The following SMYD3 variants were observed in gnomAD, a reference collection of about 807,000 sequenced individuals.
The protein encoded by SMYD3 is histone-lysine N-methyltransferase SMYD3.
A neutral mutation model predicts 57.7 loss-of-function variants in SMYD3; 36 were observed. The observed-to-expected ratio is 0.62, with a 90% CI of 0.48 to 0.82. SMYD3 has a LOEUF of 0.82. SMYD3 is among the 40% of genes least tolerant of loss of function. SMYD3 has a pLI of 0.00. For synonymous variants in SMYD3, 211 were observed against 195.0 expected (o/e 1.08, Z -0.68); for missense variants, 515 against 538.8 (o/e 0.96, Z 0.44).
At chr1:245,939,162 TAAAAA>T (rs1312690587) in intron 5 of SMYD3, among the ~76,000 whole-genome samples, 1 of 140,952 alleles carries the variant, frequency 7.1e-6, no homozygotes, top group African/African-American at 2.8e-5. Flanking sequence ...AATTAAAAAA[TAAAAA>T]AATTTAAAAA....
intron 5 of SMYD3, among the ~76,000 whole-genome samples, chr1:246,014,520 A>T (rs780267346): frequency 1.3e-5 from 2 of 152,148 alleles, no homozygotes; most frequent in Admixed American, 6.5e-5. Context: ...TAGCGTGGTT[A>T]ATCACAGCCG....
chr1:246,002,428 C>A (rs1249212056), intron 5 of SMYD3, among the ~76,000 whole-genome samples: 492 of 38,588 alleles, frequency 0.013, 27 homozygotes, highest in African/African-American at 0.023. Context: ...TCGTGATCCA[C>A]CCGCCTCGGC....
intron 5 of SMYD3, among the ~76,000 whole-genome samples, chr1:245,946,618 C>T (rs556747766): frequency 6.6e-6 from 1 of 152,206 alleles, no homozygotes; most frequent in East Asian, 1.9e-4. Flanking sequence ...ATAACCTTTG[C>T]AGAAAACTCA....
At chr1:245,856,743 C>A (rs1031961339) in intron 10 of SMYD3, among the ~76,000 whole-genome samples, 6 of 152,190 alleles carry the variant, frequency 3.9e-5, no homozygotes, top group African/African-American at 1.4e-4. Flanking sequence ...CCGAGCAGGG[C>A]AGCCTGAGTG....
At chr1:245,811,788 C>T (rs1269399591) in intron 10 of SMYD3, among the ~76,000 whole-genome samples, 1 of 152,184 alleles carries the variant, frequency 6.6e-6, no homozygotes, top group Admixed American at 6.5e-5. Flanking sequence ...TCTATGGATA[C>T]TGTTCCATTA....
chr1:246,045,755 A>C (rs1404748333), intron 5 of SMYD3, among the ~76,000 whole-genome samples: 1 of 152,234 alleles, frequency 6.6e-6, no homozygotes, highest in Non-Finnish European at 1.5e-5. Flanking sequence ...TAATATCCAG[A>C]AACTATGAAG....
At chr1:245,995,075 G>C (rs2058896877) in intron 5 of SMYD3, among the ~76,000 whole-genome samples, 1 of 152,136 alleles carries the variant, frequency 6.6e-6, no homozygotes, top group South Asian at 2.1e-4. Context: ...CCTGGTGACA[G>C]AGCAAGACTC....
chr1:246,386,217 G>A (rs998617149), intron 1 of SMYD3, among the ~76,000 whole-genome samples: 64 of 152,110 alleles, frequency 4.2e-4, no homozygotes, highest in African/African-American at 6.3e-4. Flanking sequence ...CTGGAGGTGC[G>A]AAAGCCCAGT....
chr1:245,851,625 C>G (rs2050981548), intron 10 of SMYD3, among the ~76,000 whole-genome samples: 1 of 152,208 alleles, frequency 6.6e-6, no homozygotes, highest in African/African-American at 2.4e-5. Context: ...CACACACAGA[C>G]TTGGGGCAGG....
intron 1 of SMYD3, among the ~76,000 whole-genome samples, chr1:246,488,733 C>A (rs1257881154): frequency 6.6e-6 from 1 of 152,158 alleles, no homozygotes; most frequent in Non-Finnish European, 1.5e-5. Flanking sequence ...TTATTTACAA[C>A]TGCTGCAAAT....
chr1:246,209,583 A>T (rs758957235), intron 5 of SMYD3, among the ~76,000 whole-genome samples: 1 of 49,426 alleles, frequency 2.0e-5, no homozygotes. Flanking sequence ...GCATTGGGGT[A>T]AAAAAAAAAA....
At chr1:245,953,564 C>T (rs757815354) in intron 5 of SMYD3, among the ~76,000 whole-genome samples, 11 of 152,044 alleles carry the variant, frequency 7.2e-5, no homozygotes, top group Admixed American at 5.2e-4. Flanking sequence ...GGATTATAGG[C>T]GCCTGACACC....
At chr1:246,205,783 C>A (rs1289517331) in intron 5 of SMYD3, among the ~76,000 whole-genome samples, 1 of 152,160 alleles carries the variant, frequency 6.6e-6, no homozygotes, top group African/African-American at 2.4e-5. Context: ...CGTGCCACTG[C>A]ACTCCAGCCT....
intron 5 of SMYD3, among the ~76,000 whole-genome samples, chr1:246,116,102 T>C (rs2061337891): frequency 6.6e-6 from 1 of 151,830 alleles, no homozygotes; most frequent in Admixed American, 6.6e-5. Flanking sequence ...ATCATACCAC[T>C]GCGCTCCAGC....
chr1:245,834,783 G>T (rs75911758), intron 10 of SMYD3, among the ~76,000 whole-genome samples: 3,364 of 152,236 alleles, frequency 0.022, 129 homozygotes, highest in African/African-American at 0.073. Context: ...GCTCTGCCTT[G>T]GCTATTGACA....
intron 1 of SMYD3, among the ~76,000 whole-genome samples, chr1:246,405,294 T>C (rs956534455): frequency 1.1e-4 from 16 of 152,184 alleles, no homozygotes; most frequent in African/African-American, 3.6e-4. Context: ...TGTGTAATGA[T>C]CAAATCAGAG....
chr1:245,913,692 T>A (rs2055190534), intron 8 of SMYD3, among the ~76,000 whole-genome samples: 1 of 150,032 alleles, frequency 6.7e-6, no homozygotes, highest in Admixed American at 6.7e-5. Context: ...GAGACAACTA[T>A]AAAATGGCAG....
rs565268951 is a variant in SMYD3 at position 245,940,734 on chromosome 1, C to G, written c.532-10797G>C. Among the ~76,000 whole-genome samples the G allele has an allele frequency of 3.9e-5, 6 of 152,256 alleles. No individual in the cohort carries two copies. The East Asian group carries it at 9.7e-4, about 25-fold the overall frequency. On this transcript the variant is annotated intron_variant, in intron 5 of 11. Transcript: ENST00000490107. Reference sequence around the variant, plus strand: ...AGAATCAATGCAAAAATGCTGAAAACTCAAAAAGCCATAGTGCCTCTTCTC... The same window carrying G: ...AGAATCAATGCAAAAATGCTGAAAAGTCAAAAAGCCATAGTGCCTCTTCTC...
intron 5 of SMYD3, among the ~76,000 whole-genome samples, chr1:246,111,133 G>A (rs2297823): frequency 9.9e-5 from 15 of 152,110 alleles, no homozygotes; most frequent in East Asian, 3.9e-4. Context: ...GAAACATGCC[G>A]TGGGCTTTCA....
Sources: allele counts gnomAD v4.1 joint callset (sites outside exome capture counted in the v4.1 genomes callset), GRCh38; gene constraint gnomAD v4.1.1; transcripts MANE v1.5; gene names NCBI Gene and HGNC (gene_info 2026-07-23, HGNC 2026-07-21).